CEP131: variants seen among roughly 807,000 people sequenced by gnomAD.
CEP131 encodes the protein centrosomal protein 131.
CEP131 carries 99 observed loss-of-function variants against 136.8 expected under a neutral mutation model. The observed-to-expected ratio is 0.72, with a 90% CI of 0.62 to 0.86. The LOEUF is 0.86. Among genes scored for constraint, CEP131 ranks in the 40% least tolerant of loss-of-function variants. The probability of loss-of-function intolerance (pLI) is 0.00; values close to 1 mark genes in which losing one functional copy is unlikely to be tolerated. For synonymous variants in CEP131, 646 were observed against 612.7 expected (o/e 1.05, Z -0.80); for missense variants, 1,459 against 1,463.0 (o/e 1.00, Z 0.04).
At chr17:81,191,477 G>A in intron 21 of CEP131, 142 bp from the exon 22 acceptor site, 1 of 741,336 alleles carries the variant, frequency 1.3e-6, no homozygotes. Flanking sequence ...CCCCTGTCCA[G>A]GGGTGCGCTA....
chr17:81,201,896 T>C (rs1481610745), intron 7 of CEP131, among the ~76,000 whole-genome samples: 1 of 151,936 alleles, frequency 6.6e-6, no homozygotes, highest in Non-Finnish European at 1.5e-5. Flanking sequence ...GGTCAGGAGA[T>C]CGAGAACATC....
At chr17:81,212,999 C>A (rs538581795) in intron 2 of CEP131, among the ~76,000 whole-genome samples, 2 of 152,288 alleles carry the variant, frequency 1.3e-5, no homozygotes, top group South Asian at 4.1e-4. Flanking sequence ...AGAAAAAGAA[C>A]CGGGGCTTCT....
In CEP131 at chr17:81,203,880, G is replaced by C. The variant is rs1035482214; in HGVS notation, c.516-273C>G. On this transcript the variant is annotated intron_variant, in intron 5 of 25. Coordinates refer to ENST00000450824, the MANE Select transcript of CEP131 (RefSeq NM_014984.4). This position sits in a 1 kb window ranked among gnomAD's most constrained non-coding sequence, Gnocchi z 4.6. ...ACGCTGGACGTGCCCAAGACGGGGG[G>C]AGCAGCTCAGGCCAGCAGCTCACAA... is the stretch of plus-strand genomic sequence containing the variant. 2.3e-6 allele frequency: 1 copy of C among 433,990 alleles called. No individual in the cohort carries two copies. The highest frequency in any genetic ancestry group is 2.0e-5 in the African/African-American group (1 of 50,082). The allele number at this position is 433,990 out of a possible 1,614,324, so 26.9% of individuals were successfully genotyped here.
rs151144885 is a variant in CEP131, at chr17:81,206,796, G to A, written c.463C>T (p.Arg155Trp). The change falls in exon 5 of 26, where the codon CGG becomes TGG. Residue 155 changes from arginine to tryptophan, a missense_variant. By Grantham distance (101) the Arg-to-Trp change is moderately radical. Coordinates refer to ENST00000450824, the MANE Select transcript of CEP131 (RefSeq NM_014984.4). Reference protein sequence around the residue: ...SSALDSPAGPRRKECTVALAP... With the variant: ...SSALDSPAGPWRKECTVALAP... ...AGGGCCACGGTGCATTCTTTCCTCC[G>A]CGGGCCCGCTGGTGAGTCAAGGGCA... 31 of 1,613,976 alleles carry A rather than the reference G, an allele frequency of 1.9e-5. No individual in the cohort carries two copies. Among genetic ancestry groups the A allele is most frequent in the South Asian group, 3.3e-5 (3 of 91,084 alleles).
intron 2 of CEP131, among the ~76,000 whole-genome samples, chr17:81,216,429 G>A (rs954859957): frequency 2.0e-5 from 3 of 152,196 alleles, no homozygotes; most frequent in Non-Finnish European, 4.4e-5. Context: ...TACTCAGGAT[G>A]CTGAGGTAAG....
rs375749739 is a variant in CEP131, at chr17:81,190,987, G to A, written c.2863C>T (p.Leu955Phe). Residue 955 changes from leucine (L) to phenylalanine (F), a missense_variant, in exon 23 of 26, where the codon CTT (leucine) becomes TTT (phenylalanine). Coordinates refer to ENST00000450824, the MANE Select transcript of CEP131 (RefSeq NM_014984.4). ...QERCSELKGQLGEAEGENLRL... is the reference protein window; with the variant it reads ...QERCSELKGQFGEAEGENLRL... ...AGATTCTCGCCCTCGGCCTCCCCAA[G>A]CTGGCCCTTCAGCTCCGAGCACCGC... is the stretch of plus-strand genomic sequence containing the variant. The A allele has an allele frequency of 8.0e-5, 129 of 1,607,966 alleles. No homozygotes were observed. The highest frequency in any genetic ancestry group is 1.1e-4 in the Non-Finnish European group (128 of 1,179,912).
Position 81,199,239 on chromosome 17 carries a change from G to T in CEP131, c.1192+142C>A, listed in dbSNP as rs970750053. ...CGGCACCCTCGTCAGGTCAGCTGGGGGCCAAGGCCCCTAACTCCGAGGACT... is the reference window on the plus strand; with the variant it reads ...CGGCACCCTCGTCAGGTCAGCTGGGTGCCAAGGCCCCTAACTCCGAGGACT... On this transcript the variant is annotated intron_variant, in intron 10 of 25. Transcript: ENST00000450824. 5.3e-5 allele frequency: 56 copies of T among 1,054,490 alleles called. No homozygotes were observed. In the Admixed American group the frequency reaches 9.9e-4, roughly 19 times the overall value. The allele number at this position is 1,054,490 out of a possible 1,614,324, so 65.3% of individuals were successfully genotyped here.
At chr17:81,192,685 G>GGGGGGGGGGGCGGCC in intron 19 of CEP131, 51 bp downstream of exon 19, 4 of 478,432 alleles carry the variant, frequency 8.4e-6, no homozygotes, top group Non-Finnish European at 1.6e-5. Context: ...GGGGGGAGGG[G>GGGGGGGGGGGCGGCC]TCAGCCAGCG....
intron 21 of CEP131, 29 bp from the exon 22 acceptor site, chr17:81,191,364 G>A (rs2061637545): frequency 5.0e-6 from 8 of 1,611,378 alleles, no homozygotes; most frequent in Non-Finnish European, 6.8e-6. Context: ...CCTGGGGGTT[G>A]CCACCCGGAG....
At position 81,192,850 on chromosome 17, in the gene CEP131, G is replaced by T; in HGVS notation, c.2322-7C>A. ...CTCCAGGTGCTGCTGGAACCTGCGG[G>T]ACGGTCAGGACTGGCTCTCGGGGGC... is the stretch of plus-strand genomic sequence containing the variant. On this transcript the variant is annotated splice_polypyrimidine_tract_variant and splice_region_variant and intron_variant, in intron 18 of 25. Transcript: ENST00000450824. The T allele has an allele frequency of 6.3e-7, 1 of 1,595,978 alleles. No individual in the cohort carries two copies. The highest frequency in any genetic ancestry group is 1.1e-5 in the South Asian group (1 of 90,478).
rs75576554 is a variant in CEP131 at position 81,219,296 on chromosome 17, C to T, written c.177+584G>A. Among the ~76,000 whole-genome samples, 1,446 of 131,398 alleles carry T rather than the reference C, an allele frequency of 0.011. 22 individuals carry two copies. Among genetic ancestry groups the T allele is most frequent in the East Asian group, 0.054 (243 of 4,470 alleles). The allele number at this position is 131,398 out of a possible 152,430, so 86.2% of individuals were successfully genotyped here. A position where few individuals can be genotyped will look rare whatever the true frequency, so the allele number is the denominator to read the frequency against. On this transcript the variant is annotated intron_variant, in intron 2 of 25. Coordinates refer to ENST00000450824, the MANE Select transcript of CEP131 (RefSeq NM_014984.4). The surrounding 1 kb of genome is among the most constrained non-coding windows in gnomAD (Gnocchi z 4.0). ...CCCCACAGGTCAACCCCATTTCTTT[C>T]TTTTTTTTTTTTTTTTGAGATGGCA...
chr17:81,196,989 G>C lies in CEP131; in HGVS notation c.1714C>G (p.Arg572Gly). 1 of 1,604,068 alleles carries C rather than the reference G, an allele frequency of 6.2e-7. No individual in the cohort carries two copies. Among genetic ancestry groups the C allele is most frequent in the Non-Finnish European group, 8.5e-7 (1 of 1,175,594 alleles). ...TTCTCCTCCACCTCCAGCTTCAGCC[G>C]CATCACAGACGTGCTCACCTCGGAC... ...LGSEVSTSVMRLKLEVEEKKQ... is the reference protein window; with the variant it reads ...LGSEVSTSVMGLKLEVEEKKQ... Residue 572 changes from arginine (R) to glycine (G), a missense_variant, in exon 14 of 26, where the codon CGG becomes GGG. By Grantham distance (125) the Arg-to-Gly change is moderately radical. Transcript: ENST00000450824.
Position 81,211,492 on chromosome 17 carries a change from G to T in CEP131, c.178-2470C>A, listed in dbSNP as rs377171927. On this transcript the variant is annotated intron_variant, in intron 2 of 25. Transcript: ENST00000450824. Reference sequence around the variant, plus strand: ...CTTGGTGACCTGGAGGCTGCTGGAGGAGCTGAAGAGACGCAGAAGGGGCAG... The same window carrying T: ...CTTGGTGACCTGGAGGCTGCTGGAGTAGCTGAAGAGACGCAGAAGGGGCAG... Among the ~76,000 whole-genome samples, 31 of 152,368 alleles carry T rather than the reference G, an allele frequency of 2.0e-4. No homozygotes were observed. In the East Asian group the frequency reaches 6.0e-3, roughly 29 times the overall value.
rs1213967479 is a variant in CEP131 at position 81,189,780 on chromosome 17, T to G, written c.3232A>C (p.Ser1078Arg). ...CCCGGCATCCCTGGTCACTTGGTAC[T>G]TGGCGTGGGCCTCCTGTGCTGCTCC... is the stretch of plus-strand genomic sequence containing the variant. ...LLEQHRRPTP[S>R]TK Residue 1078 changes from serine (S) to arginine (R), a missense_variant, in exon 26 of 26, where the codon AGT becomes CGT. Ser to Arg is a moderately radical substitution (Grantham distance 110, BLOSUM62 -1). Transcript: ENST00000450824. The G allele has an allele frequency of 6.2e-7, 1 of 1,605,380 alleles. No homozygotes were observed. Among genetic ancestry groups the G allele is most frequent in the East Asian group, 2.2e-5 (1 of 44,648 alleles).
chr17:81,207,332 AG>A, intron 3 of CEP131, 93 bp from the exon 4 acceptor site: 1 of 1,070,746 alleles, frequency 9.3e-7, no homozygotes. Flanking sequence ...GCGAGGACAG[AG>A]GGGCTGAGGC....
intron 10 of CEP131, 22 bp downstream of exon 10, chr17:81,199,359 G>A (rs1282437182): frequency 6.3e-7 from 1 of 1,583,186 alleles, no homozygotes; most frequent in Non-Finnish European, 8.6e-7. Context: ...CCAGAGCAGG[G>A]CGGGCGTGGA....
intron 5 of CEP131, among the ~76,000 whole-genome samples, chr17:81,205,889 C>T (rs899837692): frequency 1.3e-5 from 2 of 152,052 alleles, no homozygotes; most frequent in African/African-American, 4.8e-5. Context: ...GAGAACCTGC[C>T]TCTAACTTAA....
At chr17:81,205,032 G>A (rs1023678875) in intron 5 of CEP131, among the ~76,000 whole-genome samples, 3 of 152,060 alleles carry the variant, frequency 2.0e-5, no homozygotes, top group East Asian at 1.9e-4. Context: ...AGGCTGAGGC[G>A]GGTGGATCAC....
chr17:81,203,227 G>A lies in CEP131; in HGVS notation c.629+267C>T, dbSNP rs142708890. 4.2e-4 allele frequency among the ~76,000 whole-genome samples: 64 copies of A among 152,292 alleles called. 1 individual carries two copies. Among genetic ancestry groups the A allele is most frequent in the Non-Finnish European group, 7.9e-4 (54 of 68,016 alleles). ...CACATCTGGGCTGTTTTCTCTCTGTGGGAAGCTGCCGACCCAAGAACAGAA... is the reference window on the plus strand; with the variant it reads ...CACATCTGGGCTGTTTTCTCTCTGTAGGAAGCTGCCGACCCAAGAACAGAA... On this transcript the variant is annotated intron_variant, in intron 6 of 25. Coordinates refer to ENST00000450824, the MANE Select transcript of CEP131 (RefSeq NM_014984.4). The surrounding 1 kb of genome is among the most constrained non-coding windows in gnomAD (Gnocchi z 4.6).
Sources: allele counts gnomAD v4.1 joint callset (sites outside exome capture counted in the v4.1 genomes callset), GRCh38; gene constraint gnomAD v4.1.1; non-coding constraint Gnocchi (gnomAD v3.1); transcripts MANE v1.5; gene names NCBI Gene and HGNC (gene_info 2026-07-23, HGNC 2026-07-21).